The following ADGRF4 variants were observed in gnomAD, a reference collection of about 807,000 sequenced individuals.
The protein encoded by ADGRF4 is G-protein coupled receptor PGR18.
A neutral mutation model predicts 58.5 loss-of-function variants in ADGRF4; 63 were observed. That is an observed-to-expected ratio of 1.08 (90% CI 0.88 to 1.33). The LOEUF is 1.33. Among genes scored for constraint, ADGRF4 ranks in the 40% most tolerant of loss-of-function variants. The pLI is 0.00. For synonymous variants in ADGRF4, 313 were observed against 295.4 expected (o/e 1.06, Z -0.61); for missense variants, 931 against 843.9 (o/e 1.10, Z -1.28).
rs1771978029 is a variant in ADGRF4 at position 47,715,002 on chromosome 6, G to A, written c.1757G>A (p.Arg586Lys). The A allele has an allele frequency of 6.2e-7, 1 of 1,613,434 alleles. No homozygotes were observed. Among genetic ancestry groups the A allele is most frequent in the African/African-American group, 1.3e-5 (1 of 74,916 alleles). ...VVLVVAVNTQ[R>K]PSIGSSKSQD... ...TTGGTTGTTGCTGTCAACACTCAGA[G>A]GCCCTCTATTGGCAGTTCCAAGTCT... is the stretch of plus-strand genomic sequence containing the variant. The change falls in exon 6 of 10, where the codon AGG becomes AAG. Residue 586 changes from arginine (R) to lysine (K), a missense_variant. Arg to Lys is a conservative substitution (Grantham distance 26). Coordinates refer to ENST00000283303, the MANE Select transcript of ADGRF4 (RefSeq NM_153838.5).
At chr6:47,717,939 A>G (rs1772064812) in intron 8 of ADGRF4, among the ~76,000 whole-genome samples, 1 of 152,210 alleles carries the variant, frequency 6.6e-6, no homozygotes, top group Admixed American at 6.5e-5. Context: ...TGCTGATACT[A>G]CTTTATTAAT....
chr6:47,719,152 T>C (rs1772100682), intron 9 of ADGRF4, among the ~76,000 whole-genome samples: 1 of 152,214 alleles, frequency 6.6e-6, no homozygotes, highest in African/African-American at 2.4e-5. Context: ...TTCTAAGTCA[T>C]GGTCCATATA....
At chr6:47,716,721 G>C in intron 6 of ADGRF4, 85 bp from the exon 7 acceptor site, 1 of 978,728 alleles carries the variant, frequency 1.0e-6, no homozygotes, top group Non-Finnish European at 1.6e-6. Context: ...TGCCCTAGGA[G>C]GTATCTAGAA....
In ADGRF4 at chr6:47,713,862, C is replaced by T; in HGVS notation, c.617C>T (p.Pro206Leu). The change falls in exon 6 of 10, where the codon CCC (proline) becomes CTC (leucine). Residue 206 changes from proline (P) to leucine (L), a missense_variant. Transcript: ENST00000283303. ...TAAISNWAFI[P>L]NKNASSDLLQ... ...GCCATTTCAAACTGGGCTTTCATTC[C>T]CAACAAAAATGCCAGCTCGGATTTG... 1 of 1,599,068 alleles carries T rather than the reference C, an allele frequency of 6.3e-7. No individual in the cohort carries two copies. The highest frequency in any genetic ancestry group is 8.5e-7 in the Non-Finnish European group (1 of 1,173,478).
chr6:47,712,016 C>T (rs539654497), intron 4 of ADGRF4, among the ~76,000 whole-genome samples: 17 of 152,278 alleles, frequency 1.1e-4, no homozygotes, highest in Admixed American at 9.8e-4. Flanking sequence ...TTTGACCTGC[C>T]AACCTCCCAA....
rs1031595278 is a variant in ADGRF4, at chr6:47,721,878, T to G, written c.*673T>G. On this transcript the variant is annotated 3_prime_UTR_variant, in exon 10 of 10. Coordinates refer to ENST00000283303, the MANE Select transcript of ADGRF4 (RefSeq NM_153838.5). ...TATTTGTGAAACAGGAAAAAAAAAT[T>G]CTTGTAGGTATTACTGTTTGTGTGT... 3 of 152,152 alleles carry G rather than the reference T, an allele frequency of 2.0e-5. No homozygotes were observed. Among genetic ancestry groups the G allele is most frequent in the Non-Finnish European group, 4.4e-5 (3 of 68,020 alleles). 9.4% of individuals were successfully genotyped at this position (152,152 alleles called of 1,614,324 possible).
Position 47,710,769 on chromosome 6 carries a change from C to G in ADGRF4, c.183C>G (p.Asn61Lys). The change falls in exon 4 of 10, where the codon AAC becomes AAG. Residue 61 changes from asparagine (N) to lysine (K), a missense_variant. Transcript: ENST00000283303. ...KCEGPCISSSNCSQPCAKDFH... is the reference protein window; with the variant it reads ...KCEGPCISSSKCSQPCAKDFH... The stretch of plus-strand genomic sequence containing the variant: ...AAGGACCTTGTATTTCTTCTTCCAA[C>G]TGCAGCCAGCCCTGTGCTAAGGACT... 1 of 1,608,434 alleles carries G rather than the reference C, an allele frequency of 6.2e-7. No individual in the cohort carries two copies. Among genetic ancestry groups the G allele is most frequent in the East Asian group, 2.2e-5 (1 of 44,584 alleles).
intron 7 of ADGRF4, 142 bp from the exon 8 acceptor site, chr6:47,717,150 A>G: frequency 4.2e-6 from 3 of 709,738 alleles, no homozygotes; most frequent in Middle Eastern, 2.4e-4. Flanking sequence ...CTTTTATCCA[A>G]ATCTTGTTAC....
chr6:47,711,654 C>T (rs967786125), intron 4 of ADGRF4, among the ~76,000 whole-genome samples: 1 of 152,194 alleles, frequency 6.6e-6, no homozygotes, highest in African/African-American at 2.4e-5. Context: ...GCATACAACA[C>T]ATCCAGTTAA....
rs1199150216 is a variant in ADGRF4 at position 47,713,993 on chromosome 6, A to C, written c.748A>C (p.Asn250His). The C allele has an allele frequency of 3.7e-6, 6 of 1,605,672 alleles. No individual in the cohort carries two copies. The change falls in exon 6 of 10, where the codon AAT becomes CAT. Residue 250 changes from asparagine to histidine, a missense_variant. Asn to His is a moderately conservative substitution (Grantham distance 68, BLOSUM62 1). Transcript: ENST00000283303. ...GACAAAAGGGTTTCACATCAACCAT[A>C]ATACCTCAGAGAAAAGCCTCAATTT... The part of the protein sequence containing the change: ...IQTKGFHINH[N>H]TSEKSLNFSM...
chr6:47,714,339 A>G lies in ADGRF4; in HGVS notation c.1094A>G (p.Gln365Arg). 6.2e-7 allele frequency: 1 copy of G among 1,614,204 alleles called. No individual in the cohort carries two copies. The highest frequency in any genetic ancestry group is 8.5e-7 in the Non-Finnish European group (1 of 1,180,022). ...AGGAGATGGGATGAGAAAGCGTGCC[A>G]AATGATGTTGGATATCAGGAACGAA... is the stretch of plus-strand genomic sequence containing the variant. ...KKRRWDEKACQMMLDIRNEVK... is the reference protein window; with the variant it reads ...KKRRWDEKACRMMLDIRNEVK... The change falls in exon 6 of 10, where the codon CAA becomes CGA. Residue 365 changes from glutamine (Q) to arginine (R), a missense_variant. Physicochemically the swap from Gln to Arg is conservative, Grantham distance 43. Coordinates refer to ENST00000283303, the MANE Select transcript of ADGRF4 (RefSeq NM_153838.5).
Position 47,713,920 on chromosome 6 carries a change from C to G in ADGRF4, c.675C>G (p.Leu225=), listed in dbSNP as rs1172159526. 6.2e-7 allele frequency: 1 copy of G among 1,609,744 alleles called. No homozygotes were observed. The highest frequency in any genetic ancestry group is 2.2e-5 in the East Asian group (1 of 44,826). ...LQSVNLFARQ[L]HIHNNSENIV... ...CAGTGAATTTGTTTGCCAGACAACT[C>G]CACATCCACAATAATTCTGAGAACA... The change falls in exon 6 of 10, where the codon CTC becomes CTG. Residue 225 remains leucine (L), a synonymous_variant. Coordinates refer to ENST00000283303, the MANE Select transcript of ADGRF4 (RefSeq NM_153838.5).
chr6:47,714,551 TC>T lies in ADGRF4; in HGVS notation c.1307del (p.Ser436TyrfsTer9). 6 of 1,614,140 alleles carry T rather than the reference TC, an allele frequency of 3.7e-6. No homozygotes were observed. The highest frequency in any genetic ancestry group is 5.1e-6 in the Non-Finnish European group (6 of 1,180,034). On this transcript the variant is annotated frameshift_variant, in exon 6 of 10. Coordinates refer to ENST00000283303, the MANE Select transcript of ADGRF4 (RefSeq NM_153838.5). LOFTEE classifies it high-confidence loss of function. The part of the protein sequence containing the change: ...VWSRVVVTEI[S>X]YMRHVCIVNI... ...GTCCCGGGTGGTTGTGACGGAGATA[TC>T]ATACATGCGTCACGTGTGCATCGTG...
intron 4 of ADGRF4, 115 bp downstream of exon 4, chr6:47,711,001 A>G (rs1370900091): frequency 2.1e-6 from 2 of 947,316 alleles, no homozygotes; most frequent in East Asian, 2.9e-5. Context: ...ACTTAGAAAA[A>G]TCTACAGAAT....
At chr6:47,704,367 C>G (rs13200542) in intron 1 of ADGRF4, among the ~76,000 whole-genome samples, 39,348 of 151,964 alleles carry the variant, frequency 0.26, 5,730 homozygotes, top group East Asian at 0.56. Flanking sequence ...CCCTTCGTCT[C>G]GCCTTCACCC....
intron 7 of ADGRF4, 32 bp downstream of exon 7, chr6:47,716,879 GT>G: frequency 6.9e-7 from 1 of 1,457,160 alleles, no homozygotes; most frequent in South Asian, 1.2e-5. Context: ...CTTATAAATG[GT>G]TTTCATGTGG....
intron 9 of ADGRF4, among the ~76,000 whole-genome samples, chr6:47,719,563 C>T (rs759648746): frequency 6.6e-6 from 1 of 152,020 alleles, no homozygotes; most frequent in Non-Finnish European, 1.5e-5. Context: ...TTCAAATGAC[C>T]TATTAAAAAC....
intron 3 of ADGRF4, among the ~76,000 whole-genome samples, chr6:47,709,435 C>T (rs1350182570): frequency 4.6e-5 from 7 of 152,156 alleles, no homozygotes; most frequent in African/African-American, 1.7e-4. Flanking sequence ...GTGACTAAGA[C>T]TCATATGGCC....
rs375170930 is a variant in ADGRF4 at position 47,714,575 on chromosome 6, G to A, written c.1330G>A (p.Val444Met). 3.7e-5 allele frequency: 60 copies of A among 1,614,120 alleles called. No homozygotes were observed. The highest frequency in any genetic ancestry group is 4.5e-5 in the East Asian group (2 of 44,876). ...ATCATACATGCGTCACGTGTGCATC[G>A]TGAATATAGCAGTGTCCCTTCTGAC... Reference protein sequence around the residue: ...EISYMRHVCIVNIAVSLLTAN... With the variant: ...EISYMRHVCIMNIAVSLLTAN... Residue 444 changes from valine (V) to methionine (M), a missense_variant, in exon 6 of 10, where the codon GTG becomes ATG. Physicochemically the swap from Val to Met is conservative, Grantham distance 21. Transcript: ENST00000283303.
Sources: gnomAD v4.1 joint callset for allele counts (sites outside exome capture counted in the v4.1 genomes callset) on GRCh38, gnomAD v4.1.1 for gene constraint, MANE v1.5 for transcripts, NCBI Gene and HGNC (gene_info 2026-07-23, HGNC 2026-07-21) for gene names.